The following TRPC5 variants were observed in gnomAD, a reference collection of about 807,000 sequenced individuals.
TRPC5 encodes the protein short transient receptor potential channel 5.
Under a neutral mutation model 56.5 loss-of-function variants are expected in TRPC5, and 9 were observed. That is an observed-to-expected ratio of 0.16 (90% CI 0.10 to 0.28). The LOEUF (loss-of-function observed/expected upper bound fraction) is 0.28. Among genes scored for constraint, TRPC5 ranks in the 10% least tolerant of loss-of-function variants. The pLI, the probability that TRPC5 is intolerant of heterozygous loss-of-function variation, is 1.00. For synonymous variants in TRPC5, 282 were observed against 278.5 expected (o/e 1.01, Z -0.13); for missense variants, 469 against 748.9 (o/e 0.63, Z 4.36).
At chrX:111,822,413 G>T (rs996746976) in intron 7 of TRPC5, among the ~76,000 whole-genome samples, 1 of 112,291 alleles carries the variant, frequency 8.9e-6, no homozygotes, top group African/African-American at 3.2e-5. Flanking sequence ...AACCCTTTGA[G>T]ATGCTAAACT....
rs1945856663 is a variant in TRPC5, at chrX:111,773,612, A to G, written c.*2701T>C. Among the ~76,000 whole-genome samples the G allele has an allele frequency of 9.0e-6, 1 of 111,533 alleles. No homozygotes were observed. Among genetic ancestry groups the G allele is most frequent in the Non-Finnish European group, 1.9e-5 (1 of 53,091 alleles). The stretch of plus-strand genomic sequence containing the variant: ...CTATATATAACATATATGCTTACTA[A>G]TAAATGTCTTCTATAATCTAGAAGA... On this transcript the variant is annotated 3_prime_UTR_variant, in exon 11 of 11. Coordinates refer to ENST00000262839, the MANE Select transcript of TRPC5 (RefSeq NM_012471.3).
chrX:112,066,890 C>T (rs1930597177), intron 1 of TRPC5, among the ~76,000 whole-genome samples: 1 of 112,305 alleles, frequency 8.9e-6, no homozygotes, highest in Non-Finnish European at 1.9e-5. Context: ...ACATGATCTT[C>T]CCCTTTCTGT....
chrX:111,902,025 C>A (rs1247787267), intron 3 of TRPC5: 1 of 1,153,584 alleles, frequency 8.7e-7, no homozygotes, highest in African/African-American at 1.8e-5. Context: ...CCCGAGGAGC[C>A]TTCGCTACCT....
rs756001069 is a variant in TRPC5 at position 112,019,440 on chromosome X, C to CT, written c.-22+62438dup. ...ATATAAAATAACTCCCCCGGTTTTCCTTTTTTTTTTTTTGGGATGGAATCT... is the reference window on the plus strand; with the variant it reads ...ATATAAAATAACTCCCCCGGTTTTCCTTTTTTTTTTTTTTGGGATGGAATCT... On this transcript the variant is annotated intron_variant, in intron 1 of 10. Transcript: ENST00000262839. Among the ~76,000 whole-genome samples, 741 of 102,301 alleles carry CT rather than the reference C, an allele frequency of 7.2e-3. 6 individuals are homozygous for CT. The highest frequency in any genetic ancestry group is 1.0e-2 in the Middle Eastern group (2 of 201). The allele number at this position is 102,301 out of a possible 115,157, so 88.8% of individuals were successfully genotyped here.
At chrX:111,818,308 T>TAA (rs1406943007) in intron 7 of TRPC5, among the ~76,000 whole-genome samples, 3 of 111,998 alleles carry the variant, frequency 2.7e-5, no homozygotes, top group Non-Finnish European at 5.6e-5. Flanking sequence ...GCAACCAACT[T>TAA]AAAGTGTACT....
At chrX:112,048,576 G>A (rs1161144026) in intron 1 of TRPC5, among the ~76,000 whole-genome samples, 5 of 108,654 alleles carry the variant, frequency 4.6e-5, no homozygotes, top group African/African-American at 1.7e-4. Flanking sequence ...TTGTGAGGGA[G>A]GGAAGGATTA....
rs1282422033 is a variant in TRPC5 at position 111,785,444 on chromosome X, C to T, written c.1897-3306G>A. Among the ~76,000 whole-genome samples the T allele has an allele frequency of 2.7e-5, 3 of 111,874 alleles. No homozygotes were observed. In the South Asian group the frequency reaches 1.1e-3, roughly 42 times the overall value. On this transcript the variant is annotated intron_variant, in intron 7 of 10. Coordinates refer to ENST00000262839, the MANE Select transcript of TRPC5 (RefSeq NM_012471.3). ...CAAAGACCAAAGGTAGATAAAACCA[C>T]AAAGATGGGGAGAAACCAGAGCAGA... is the stretch of plus-strand genomic sequence containing the variant.
intron 1 of TRPC5, among the ~76,000 whole-genome samples, chrX:111,960,223 G>C (rs1208691322): frequency 9.0e-6 from 1 of 111,717 alleles, no homozygotes; most frequent in African/African-American, 3.3e-5. Flanking sequence ...TAATACAGGG[G>C]ACTCTTTCAA....
chrX:111,854,582 G>A (rs1017390227), intron 3 of TRPC5, among the ~76,000 whole-genome samples: 1 of 111,528 alleles, frequency 9.0e-6, no homozygotes, highest in Non-Finnish European at 1.9e-5. Flanking sequence ...TTTTAGCAGA[G>A]AATCATGGAG....
intron 7 of TRPC5, among the ~76,000 whole-genome samples, chrX:111,809,125 G>A (rs1301523483): frequency 1.8e-5 from 2 of 110,601 alleles, no homozygotes; most frequent in African/African-American, 6.6e-5. Flanking sequence ...TTGTGAGAGG[G>A]GTGGTACAAG....
At chrX:111,799,385 T>C (rs1369547271) in intron 7 of TRPC5, among the ~76,000 whole-genome samples, 1 of 111,239 alleles carries the variant, frequency 9.0e-6, no homozygotes. Context: ...CTTTTGATAT[T>C]GGAAAATGCC....
chrX:111,989,804 A>C (rs1928305536), intron 1 of TRPC5, among the ~76,000 whole-genome samples: 1 of 112,520 alleles, frequency 8.9e-6, no homozygotes, highest in South Asian at 3.6e-4. Context: ...TGAATGAAGA[A>C]AGCAAGATGC....
intron 3 of TRPC5, among the ~76,000 whole-genome samples, chrX:111,868,773 T>A (rs898991920): frequency 3.6e-5 from 4 of 111,841 alleles, no homozygotes; most frequent in Admixed American, 1.9e-4. Context: ...TATAGTAAGA[T>A]CTGAGGTAAG....
intron 2 of TRPC5, among the ~76,000 whole-genome samples, chrX:111,922,795 A>C (rs991256220): frequency 3.6e-5 from 4 of 111,867 alleles, no homozygotes; most frequent in African/African-American, 1.3e-4. Context: ...CACAGAACCC[A>C]CTGGCCTTTA....
At chrX:112,071,630 A>G (rs761895518) in intron 1 of TRPC5, among the ~76,000 whole-genome samples, 1 of 112,619 alleles carries the variant, frequency 8.9e-6, no homozygotes, top group Non-Finnish European at 1.9e-5. Context: ...ACATAAATGT[A>G]TCAGAATGAC....
At chrX:111,867,543 C>A (rs1447830217) in intron 3 of TRPC5, among the ~76,000 whole-genome samples, 1 of 111,869 alleles carries the variant, frequency 8.9e-6, no homozygotes, top group South Asian at 3.8e-4. Flanking sequence ...CCTCTCAGAG[C>A]CTACCTTGTG....
At chrX:111,934,354 A>G (rs748384533) in intron 2 of TRPC5, among the ~76,000 whole-genome samples, 1 of 109,521 alleles carries the variant, frequency 9.1e-6, no homozygotes, top group African/African-American at 3.3e-5. Context: ...TGTACATAGT[A>G]AGTCTATATA....
chrX:112,066,494 G>A (rs1930588488), intron 1 of TRPC5, among the ~76,000 whole-genome samples: 1 of 111,898 alleles, frequency 8.9e-6, no homozygotes, highest in East Asian at 2.8e-4. Context: ...CATGGTAGGT[G>A]TAGAGTTTGA....
intron 3 of TRPC5, among the ~76,000 whole-genome samples, chrX:111,909,349 A>C (rs1182140172): frequency 9.7e-6 from 1 of 102,889 alleles, no homozygotes; most frequent in South Asian, 4.2e-4. Flanking sequence ...TAAATAAATA[A>C]ATAAATAAAT....
Sources: gnomAD v4.1 joint callset for allele counts (sites outside exome capture counted in the v4.1 genomes callset) on GRCh38, gnomAD v4.1.1 for gene constraint, MANE v1.5 for transcripts, NCBI Gene and HGNC (gene_info 2026-07-23, HGNC 2026-07-21) for gene names.